WDFY3: variants seen among roughly 807,000 people sequenced by gnomAD.
The protein encoded by WDFY3 is WD repeat and FYVE domain containing 3.
A neutral mutation model predicts 409.6 loss-of-function variants in WDFY3; 66 were observed. That is an observed-to-expected ratio of 0.16 (90% CI 0.13 to 0.20). The LOEUF is 0.20. Ranked by LOEUF, WDFY3 falls within the 10% of genes least tolerant of loss-of-function variation. The pLI is 1.00. For missense variants in WDFY3, 3,031 were observed against 4,298.1 expected (o/e 0.71, Z 8.24); for synonymous variants, 1,521 against 1,537.1 (o/e 0.99, Z 0.25).
intron 1 of WDFY3, among the ~76,000 whole-genome samples, chr4:84,962,940 C>G (rs1344946819): frequency 6.6e-6 from 1 of 151,908 alleles, no homozygotes; most frequent in African/African-American, 2.4e-5. Flanking sequence ...TCCCAAAGTG[C>G]TGGGATTACA....
At chr4:84,773,962 C>T (rs974533675) in intron 29 of WDFY3, among the ~76,000 whole-genome samples, 1 of 152,176 alleles carries the variant, frequency 6.6e-6, no homozygotes, top group East Asian at 1.9e-4. Context: ...CCTCATGATC[C>T]GCCTGCCTCA....
chr4:84,710,737 A>G (rs959738693), intron 51 of WDFY3, among the ~76,000 whole-genome samples: 1 of 152,224 alleles, frequency 6.6e-6, no homozygotes, highest in Non-Finnish European at 1.5e-5. Flanking sequence ...TTCTTTAAGA[A>G]CTGCCAACTC....
intron 3 of WDFY3, among the ~76,000 whole-genome samples, chr4:84,862,842 T>C (rs1760843904): frequency 6.6e-6 from 1 of 152,132 alleles, no homozygotes; most frequent in African/African-American, 2.4e-5. Context: ...AAAAAAAAAT[T>C]AGCCGGGCGT....
At chr4:84,857,613 A>C (rs1415716849) in intron 4 of WDFY3, among the ~76,000 whole-genome samples, 1 of 152,192 alleles carries the variant, frequency 6.6e-6, no homozygotes, top group Non-Finnish European at 1.5e-5. Flanking sequence ...TGGTAATAAA[A>C]ATTAGTAACT....
chr4:84,815,077 C>T (rs1337787265), intron 13 of WDFY3, among the ~76,000 whole-genome samples: 1 of 152,070 alleles, frequency 6.6e-6, no homozygotes, highest in African/African-American at 2.4e-5. Context: ...TAGTTAAGAA[C>T]TCAGCAGGTA....
chr4:84,961,025 G>A (rs1414425272), intron 1 of WDFY3, among the ~76,000 whole-genome samples: 2 of 152,036 alleles, frequency 1.3e-5, no homozygotes, highest in African/African-American at 4.8e-5. Flanking sequence ...GACCAGCCTG[G>A]CTAACATGGT....
rs567618032 is a variant in WDFY3 at position 84,829,847 on chromosome 4, A to AAATAAATAAATAAATT, written c.770-658_770-657insAATTTATTTATTTATT. Among the ~76,000 whole-genome samples the AAATAAATAAATAAATT allele has an allele frequency of 1.1e-4, 17 of 150,640 alleles. No homozygotes were observed. In the East Asian group the frequency reaches 3.1e-3, roughly 27 times the overall value. On this transcript the variant is annotated intron_variant, in intron 8 of 67. Coordinates refer to ENST00000295888, the MANE Select transcript of WDFY3 (RefSeq NM_014991.6). ...TAAATAAATAAATAAATAAATAAATAAATTAGAGAGACTATAGACCAATGA... is the reference window on the plus strand; with the variant it reads ...TAAATAAATAAATAAATAAATAAATAAATAAATAAATAAATTAATTAGAGAGACTATAGACCAATGA...
At chr4:84,956,768 C>G (rs1774286089) in intron 1 of WDFY3, among the ~76,000 whole-genome samples, 1 of 151,936 alleles carries the variant, frequency 6.6e-6, no homozygotes, top group African/African-American at 2.4e-5. Flanking sequence ...TTTTTTAAGG[C>G]TTACAAGTAT....
chr4:84,903,816 A>G (rs1247353372), intron 2 of WDFY3, among the ~76,000 whole-genome samples: 2 of 152,162 alleles, frequency 1.3e-5, no homozygotes, highest in African/African-American at 4.8e-5. Context: ...GATATTTAAG[A>G]CACTACGCTA....
intron 32 of WDFY3, among the ~76,000 whole-genome samples, chr4:84,762,193 G>A (rs1578406518): frequency 6.6e-6 from 1 of 151,400 alleles, no homozygotes; most frequent in African/African-American, 2.4e-5. Flanking sequence ...ATTCACAATA[G>A]CAAAGACTTG....
intron 44 of WDFY3, among the ~76,000 whole-genome samples, chr4:84,731,184 C>T (rs906825540): frequency 1.3e-5 from 2 of 152,104 alleles, no homozygotes; most frequent in South Asian, 2.1e-4. Flanking sequence ...CTGTGGGCCT[C>T]GGATTGGACA....
rs767494721 is a variant in WDFY3, at chr4:84,885,824, T to C, written c.-32+11087A>G. 2.2e-4 allele frequency among the ~76,000 whole-genome samples: 34 copies of C among 152,316 alleles called. 1 individual carries two copies. The highest frequency in any genetic ancestry group is 1.9e-3 in the South Asian group (9 of 4,832). On this transcript the variant is annotated intron_variant, in intron 3 of 67. Transcript: ENST00000295888. Reference sequence around the variant, plus strand: ...GACTAGTGAGAAAATGAACTGGATCTAAAGGGCAATTTTGCATCGTTTGGA... The same window carrying C: ...GACTAGTGAGAAAATGAACTGGATCCAAAGGGCAATTTTGCATCGTTTGGA...
intron 4 of WDFY3, among the ~76,000 whole-genome samples, chr4:84,850,957 T>TTTTTTTTTA: frequency 1.1e-5 from 1 of 94,402 alleles, no homozygotes; most frequent in Non-Finnish European, 2.4e-5. Context: ...TTTTTTTTTT[T>TTTTTTTTTA]TTTTTTTTTT....
chr4:84,703,615 T>C (rs897163372), intron 55 of WDFY3, among the ~76,000 whole-genome samples: 3 of 152,204 alleles, frequency 2.0e-5, no homozygotes, highest in African/African-American at 7.2e-5. Context: ...TTAGAGCCCT[T>C]GCACAAGCTC....
chr4:84,917,203 A>G (rs952008450), intron 2 of WDFY3, among the ~76,000 whole-genome samples: 6 of 152,110 alleles, frequency 3.9e-5, no homozygotes, highest in African/African-American at 1.2e-4. Context: ...TCTTTTTTCT[A>G]TAAACTTCAG....
At position 84,810,032 on chromosome 4, in the gene WDFY3, T is replaced by A; in HGVS notation, c.2200A>T (p.Met734Leu). The change falls in exon 14 of 68, where the codon ATG becomes TTG. Residue 734 changes from methionine to leucine, a missense_variant. Physicochemically the swap from Met to Leu is conservative, Grantham distance 15. This residue lies in a region of WDFY3 where 1,322 missense variants were observed against 1,697.9 expected (regional missense o/e 0.78). Coordinates refer to ENST00000295888, the MANE Select transcript of WDFY3 (RefSeq NM_014991.6). Reference protein sequence around the residue: ...CFSDLRKISAMNVFPSNTQPF... With the variant: ...CFSDLRKISALNVFPSNTQPF... ...TGTGTATTTGAGGGGAAGACATTCATGGCGCTTATTTTTCTTAGGTCTGAG... is the reference window on the plus strand; with the variant it reads ...TGTGTATTTGAGGGGAAGACATTCAAGGCGCTTATTTTTCTTAGGTCTGAG... The A allele has an allele frequency of 6.2e-7, 1 of 1,614,200 alleles. No homozygotes were observed. The highest frequency in any genetic ancestry group is 8.5e-7 in the Non-Finnish European group (1 of 1,180,002).
At chr4:84,740,452 A>C (rs1045102304) in intron 38 of WDFY3, 36 bp from the exon 39 acceptor site, 2 of 1,603,300 alleles carry the variant, frequency 1.2e-6, no homozygotes, top group Non-Finnish European at 1.7e-6. Flanking sequence ...AGTATAATAG[A>C]CAAAAGTAAA....
intron 6 of WDFY3, among the ~76,000 whole-genome samples, chr4:84,839,264 AG>A (rs1468661450): frequency 2.0e-5 from 3 of 152,062 alleles, no homozygotes; most frequent in Non-Finnish European, 4.4e-5. Context: ...AATTATATAA[AG>A]TTTTAATAGC....
At chr4:84,775,244 T>A in intron 27 of WDFY3, 106 bp from the exon 28 acceptor site, 1 of 964,872 alleles carries the variant, frequency 1.0e-6, no homozygotes, top group Non-Finnish European at 1.5e-6. Flanking sequence ...CTTATATAAT[T>A]ATTATCTTGT....
Sources: allele counts gnomAD v4.1 joint callset (sites outside exome capture counted in the v4.1 genomes callset), GRCh38; gene constraint gnomAD v4.1.1; regional missense constraint gnomAD v4.1.1; transcripts MANE v1.5; gene names NCBI Gene and HGNC (gene_info 2026-07-23, HGNC 2026-07-21).